MACROD2: variants seen among roughly 807,000 people sequenced by gnomAD.
MACROD2 encodes the protein mono-ADP ribosylhydrolase 2.
Under a neutral mutation model 70.4 loss-of-function variants are expected in MACROD2, and 36 were observed. The observed-to-expected ratio is 0.51, with a 90% CI of 0.39 to 0.68. The LOEUF (loss-of-function observed/expected upper bound fraction) is 0.68. MACROD2 is among the 30% of genes least tolerant of loss of function. The pLI is 0.00. For missense variants in MACROD2, 496 were observed against 538.4 expected (o/e 0.92, Z 0.78); for synonymous variants, 172 against 178.8 (o/e 0.96, Z 0.30).
intron 5 of MACROD2, among the ~76,000 whole-genome samples, chr20:14,737,992 T>A (rs2123714080): frequency 6.6e-6 from 1 of 152,306 alleles, no homozygotes; most frequent in Admixed American, 6.5e-5. Flanking sequence ...TACACAGTCC[T>A]CATTGGTTTT....
chr20:15,139,208 T>C (rs2076173222), intron 5 of MACROD2, among the ~76,000 whole-genome samples: 2 of 152,316 alleles, frequency 1.3e-5, no homozygotes, highest in Middle Eastern at 3.4e-3. Flanking sequence ...GAAGCAATTG[T>C]AGATTTTTAT....
intron 10 of MACROD2, among the ~76,000 whole-genome samples, chr20:15,903,176 G>C (rs927493347): frequency 6.6e-6 from 1 of 152,086 alleles, no homozygotes; most frequent in African/African-American, 2.4e-5. Context: ...AGGAGTTCGA[G>C]GCTAAAAATA....
At chr20:14,757,567 T>C in intron 5 of MACROD2, 1 of 1,016,960 alleles carries the variant, frequency 9.8e-7, no homozygotes, top group South Asian at 1.4e-5. Context: ...ATCAAGATGT[T>C]GATGCCTAAG....
chr20:15,408,680 A>G (rs2046037299), intron 6 of MACROD2, among the ~76,000 whole-genome samples: 1 of 152,240 alleles, frequency 6.6e-6, no homozygotes, highest in South Asian at 2.1e-4. Flanking sequence ...CAGAGAGGGC[A>G]TCTTTCAGTG....
At chr20:14,060,069 G>A (rs2053674931) in intron 2 of MACROD2, among the ~76,000 whole-genome samples, 1 of 152,146 alleles carries the variant, frequency 6.6e-6, no homozygotes, top group East Asian at 1.9e-4. Context: ...AAATATGGTG[G>A]AAAACTATAG....
At chr20:15,480,966 T>C (rs1600474526) in intron 7 of MACROD2, among the ~76,000 whole-genome samples, 1 of 152,278 alleles carries the variant, frequency 6.6e-6, no homozygotes, top group South Asian at 2.1e-4. Flanking sequence ...TCTTCGTAAG[T>C]GGTCCCTTTA....
intron 5 of MACROD2, among the ~76,000 whole-genome samples, chr20:15,152,315 G>T: frequency 6.6e-6 from 1 of 151,742 alleles, no homozygotes; most frequent in East Asian, 1.9e-4. Flanking sequence ...GTGAAAGCTT[G>T]CCCATAGTGA....
chr20:15,492,281 A>G lies in MACROD2; in HGVS notation c.572-7493A>G, dbSNP rs200396080. ...TGGGTTGGAAGGAGGCCTAGGGGGAAGAGGTTGACAAAAGCTGTTTTGAGA... is the reference window on the plus strand; with the variant it reads ...TGGGTTGGAAGGAGGCCTAGGGGGAGGAGGTTGACAAAAGCTGTTTTGAGA... On this transcript the variant is annotated intron_variant, in intron 7 of 17. Coordinates refer to ENST00000684519, the MANE Select transcript of MACROD2 (RefSeq NM_001351661.2). Among the ~76,000 whole-genome samples the G allele has an allele frequency of 5.3e-5, 8 of 152,102 alleles. No homozygotes were observed. The East Asian group carries it at 1.5e-3, about 29-fold the overall frequency.
intron 3 of MACROD2, among the ~76,000 whole-genome samples, chr20:14,341,845 A>G (rs1396112599): frequency 2.0e-5 from 3 of 152,168 alleles, no homozygotes; most frequent in Non-Finnish European, 4.4e-5. Context: ...GGCTTAAAAT[A>G]TGTCAATAAG....
At chr20:15,616,173 G>A (rs968916819) in intron 8 of MACROD2, among the ~76,000 whole-genome samples, 1 of 143,238 alleles carries the variant, frequency 7.0e-6, no homozygotes, top group Admixed American at 7.3e-5. Context: ...GTGTGATCTC[G>A]GCCCACTGCG....
At chr20:14,337,264 C>T (rs760584718) in intron 3 of MACROD2, 4 of 236,898 alleles carry the variant, frequency 1.7e-5, no homozygotes, top group African/African-American at 6.7e-5. Flanking sequence ...CTGGCTTGCA[C>T]GCACATATAT....
At chr20:14,346,507 G>A (rs976374212) in intron 3 of MACROD2, among the ~76,000 whole-genome samples, 10 of 152,132 alleles carry the variant, frequency 6.6e-5, no homozygotes, top group Non-Finnish European at 1.3e-4. Flanking sequence ...GCAGATGCTC[G>A]TTCAAGCACC....
chr20:15,861,583 G>A (rs1022382135), intron 8 of MACROD2, among the ~76,000 whole-genome samples: 3 of 152,200 alleles, frequency 2.0e-5, no homozygotes, highest in African/African-American at 7.2e-5. Context: ...TAGAAACTGA[G>A]TGATTTTCCA....
chr20:15,615,107 C>T (rs1485576950), intron 8 of MACROD2, among the ~76,000 whole-genome samples: 1 of 152,048 alleles, frequency 6.6e-6, no homozygotes, highest in Non-Finnish European at 1.5e-5. Context: ...GTGAAGGCCT[C>T]GTGGTTCTGA....
chr20:14,377,070 C>G (rs1462914563), intron 3 of MACROD2, among the ~76,000 whole-genome samples: 1 of 152,070 alleles, frequency 6.6e-6, no homozygotes. Flanking sequence ...GGACCTTGAG[C>G]AAGTCACTCC....
chr20:15,816,221 C>T (rs1274201859), intron 8 of MACROD2, among the ~76,000 whole-genome samples: 1 of 152,176 alleles, frequency 6.6e-6, no homozygotes, highest in Middle Eastern at 3.4e-3. Flanking sequence ...TGATATATTG[C>T]AAATTATCTG....
intron 3 of MACROD2, among the ~76,000 whole-genome samples, chr20:14,193,664 G>A (rs767611986): frequency 2.6e-5 from 4 of 152,106 alleles, no homozygotes; most frequent in African/African-American, 4.8e-5. Context: ...CTGTAGCTGC[G>A]GAGTGCAGCT....
At chr20:14,902,129 T>A (rs2073902081) in intron 5 of MACROD2, among the ~76,000 whole-genome samples, 1 of 152,246 alleles carries the variant, frequency 6.6e-6, no homozygotes, top group Admixed American at 6.5e-5. Context: ...CCATTAAATT[T>A]AAAAATGCTT....
rs139649020 is a variant in MACROD2, at chr20:14,447,345, A to G, written c.272-46134A>G. ...TGCAGATTTTCAAAGGAAATGTTCA[A>G]CTAATGGATTTCATCCCCCAACAAG... On this transcript the variant is annotated intron_variant, in intron 3 of 17. Coordinates refer to ENST00000684519, the MANE Select transcript of MACROD2 (RefSeq NM_001351661.2). 2.0e-5 allele frequency among the ~76,000 whole-genome samples: 3 copies of G among 152,242 alleles called. No individual in the cohort carries two copies. In the East Asian group the frequency reaches 5.8e-4, roughly 29 times the overall value.
Sources: gnomAD v4.1 joint callset for allele counts (sites outside exome capture counted in the v4.1 genomes callset) on GRCh38, gnomAD v4.1.1 for gene constraint, MANE v1.5 for transcripts, NCBI Gene and HGNC (gene_info 2026-07-23, HGNC 2026-07-21) for gene names.